Variants in NFIB observed in about 807,000 individuals in gnomAD.
NFIB encodes nuclear factor 1 B-type.
In NFIB, 11 loss-of-function variants were observed where a neutral mutation model predicts 61.5. The observed-to-expected ratio is 0.18, with a 90% confidence interval of 0.11 to 0.30. The LOEUF (loss-of-function observed/expected upper bound fraction) is 0.30, where lower values mean the gene tolerates loss of function less well. Among genes scored for constraint, NFIB ranks in the 10% least tolerant of loss-of-function variants. The probability of loss-of-function intolerance (pLI) is 1.00; values close to 1 mark genes in which losing one functional copy is unlikely to be tolerated. For missense variants in NFIB, 471 were observed against 608.9 expected, an observed-to-expected ratio of 0.77 and a Z score of 2.38; for synonymous variants, 260 against 216.5, an observed-to-expected ratio of 1.20 and a Z score of -1.76.
intron 1 of NFIB, among the ~76,000 whole-genome samples, chr9:14,386,213 G>C (rs1384326389): frequency 6.6e-6 from 1 of 152,192 alleles, no homozygotes; most frequent in African/African-American, 2.4e-5. Context: ...AATATATGTA[G>C]CAAACATCTC....
At position 14,218,760 on chromosome 9, in the gene NFIB, T is replaced by C. The variant is rs78507928; in HGVS notation, c.563-38980A>G. 4.3e-4 allele frequency among the ~76,000 whole-genome samples: 66 copies of C among 152,362 alleles called. No homozygotes were observed. The South Asian group carries it at 0.011, about 25-fold the overall frequency. Reference sequence around the variant, plus strand: ...TTGGAAGTGGACTTATTTAAATGCATTGGCCTTGATCACAGTGGATGCCTA... The same window carrying C: ...TTGGAAGTGGACTTATTTAAATGCACTGGCCTTGATCACAGTGGATGCCTA... On this transcript the variant is annotated intron_variant, in intron 2 of 10. Transcript: ENST00000380953.
At chr9:14,169,892 T>C (rs949225368) in intron 3 of NFIB, among the ~76,000 whole-genome samples, 1 of 152,208 alleles carries the variant, frequency 6.6e-6, no homozygotes, top group African/African-American at 2.4e-5. Context: ...TACGCTTTCA[T>C]AGTCACGGAG....
chr9:14,298,997 A>C (rs532859728), intron 2 of NFIB, among the ~76,000 whole-genome samples: 1 of 152,330 alleles, frequency 6.6e-6, no homozygotes, highest in South Asian at 2.1e-4. Context: ...ATCCAACCAG[A>C]AACTGCAGAT....
rs542462357 is a variant in NFIB, at chr9:14,397,259, G to T, written c.108+1265C>A. ...GGTTGTTTCTGCAGTGTTACATATG[G>T]TTATTTCTAATGCAGTCTCTGAGAA... On this transcript the variant is annotated intron_variant, in intron 1 of 8. Transcript: ENST00000380934. 2.6e-5 allele frequency among the ~76,000 whole-genome samples: 4 copies of T among 152,262 alleles called. No individual in the cohort carries two copies. In the South Asian group the frequency reaches 8.3e-4, roughly 32 times the overall value.
At chr9:14,273,066 C>T (rs1405535356) in intron 2 of NFIB, among the ~76,000 whole-genome samples, 3 of 152,126 alleles carry the variant, frequency 2.0e-5, no homozygotes, top group African/African-American at 7.2e-5. Context: ...CATGCCCAGC[C>T]AGGGCACGCC....
At chr9:14,093,542 T>A (rs926817784) in intron 10 of NFIB, 1 of 152,008 alleles carries the variant, frequency 6.6e-6, no homozygotes, top group Non-Finnish European at 1.5e-5. Flanking sequence ...ATAAATAAAA[T>A]AAGTATTTTA....
intron 2 of NFIB, among the ~76,000 whole-genome samples, chr9:14,252,681 TTAA>T (rs2055774283): frequency 6.6e-6 from 1 of 152,172 alleles, no homozygotes; most frequent in Non-Finnish European, 1.5e-5. Context: ...TACATCCTTA[TTAA>T]TATTACCTTG....
the NFIB span, among the ~76,000 whole-genome samples, chr9:14,413,191 C>A: frequency 6.6e-6 from 1 of 152,274 alleles, no homozygotes; most frequent in East Asian, 1.9e-4. Context: ...TCTCCAGTGG[C>A]ATGGATGGCA....
In NFIB at chr9:14,313,427, A is replaced by G. The variant is rs1022101380; in HGVS notation, c.30+55T>C. On this transcript the variant is annotated intron_variant, in intron 1 of 10. Coordinates refer to ENST00000380953, the MANE Select transcript of NFIB (RefSeq NM_001190737.2). This position sits in a 1 kb window ranked among gnomAD's most constrained non-coding sequence, Gnocchi z 4.5. ...CCGCTAATTGTCCGCAACAAAACAA[A>G]ACAAAGGCATTTCGGGCCAGAGAGA... The G allele has an allele frequency of 2.5e-6, 4 of 1,612,804 alleles. No homozygotes were observed. The highest frequency in any genetic ancestry group is 3.4e-6 in the Non-Finnish European group (4 of 1,179,270).
In NFIB at chr9:14,082,107, G is replaced by A. The variant is rs1421254340; in HGVS notation, c.*6202C>T. ...CTTCACTAACATTCTGGCCCAGTCT[G>A]GGGTTGATCCCAGAGGCCTGAACTC... On this transcript the variant is annotated 3_prime_UTR_variant, in exon 11 of 11. Transcript: ENST00000380953. 1 of 210,800 alleles carries A rather than the reference G, an allele frequency of 4.7e-6. No homozygotes were observed. The highest frequency in any genetic ancestry group is 9.7e-6 in the Non-Finnish European group (1 of 103,470). The allele number at this position is 210,800 out of a possible 1,614,324, so 13.1% of individuals were successfully genotyped here.
At chr9:14,236,683 A>C (rs923759817) in intron 2 of NFIB, among the ~76,000 whole-genome samples, 3 of 152,084 alleles carry the variant, frequency 2.0e-5, no homozygotes, top group Admixed American at 1.3e-4. Flanking sequence ...ATAAGGATAT[A>C]TTTTTCATGT....
chr9:14,512,769 T>A, the NFIB span, among the ~76,000 whole-genome samples: 70,106 of 151,562 alleles, frequency 0.46, 17,005 homozygotes, highest in Middle Eastern at 0.6. Context: ...CATTCCTTTT[T>A]TCCTACCTCC....
At chr9:14,162,379 T>C (rs2131284224) in intron 3 of NFIB, among the ~76,000 whole-genome samples, 1 of 152,218 alleles carries the variant, frequency 6.6e-6, no homozygotes, top group Non-Finnish European at 1.5e-5. Context: ...GATTCTCCGG[T>C]TTTTTTCTAA....
the NFIB span, among the ~76,000 whole-genome samples, chr9:14,511,250 C>A: frequency 0.019 from 2,846 of 151,912 alleles, 30 homozygotes; most frequent in Non-Finnish European, 0.026. Flanking sequence ...ATTCATAGTT[C>A]GTTTATATTT....
intron 1 of NFIB, among the ~76,000 whole-genome samples, chr9:14,388,183 A>ATGCTTT (rs2061571811): frequency 6.6e-6 from 1 of 152,150 alleles, no homozygotes; most frequent in Non-Finnish European, 1.5e-5. Flanking sequence ...AATTACAAGG[A>ATGCTTT]TGAGTTGCAA....
the NFIB span, among the ~76,000 whole-genome samples, chr9:14,511,821 A>G: frequency 7.2e-5 from 11 of 152,222 alleles, no homozygotes; most frequent in South Asian, 4.1e-4. Flanking sequence ...ATGTTTTGAT[A>G]AGTCAGAATA....
the NFIB span, among the ~76,000 whole-genome samples, chr9:14,470,417 C>T: frequency 6.6e-6 from 1 of 152,134 alleles, no homozygotes; most frequent in African/African-American, 2.4e-5. Context: ...ATCTCACTTC[C>T]AAATAGCAAA....
At chr9:14,251,422 G>A (rs1297543885) in intron 2 of NFIB, among the ~76,000 whole-genome samples, 1 of 152,212 alleles carries the variant, frequency 6.6e-6, no homozygotes, top group Non-Finnish European at 1.5e-5. Context: ...GCAGTCAACT[G>A]ATTACTAGTG....
At chr9:14,348,147 C>T (rs1198729979) in intron 1 of NFIB, among the ~76,000 whole-genome samples, 1 of 152,224 alleles carries the variant, frequency 6.6e-6, no homozygotes, top group Non-Finnish European at 1.5e-5. Flanking sequence ...GTGAGGCCGC[C>T]GCGGCCCATT....
Sources: allele counts gnomAD v4.1 joint callset (sites outside exome capture counted in the v4.1 genomes callset), GRCh38; gene constraint gnomAD v4.1.1; non-coding constraint Gnocchi (gnomAD v3.1); transcripts MANE v1.5; gene names NCBI Gene and HGNC (gene_info 2026-07-23, HGNC 2026-07-21).